Variants in PCDH7 observed in about 807,000 individuals in gnomAD.
The protein encoded by PCDH7 is protocadherin 7.
A neutral mutation model predicts 58.9 loss-of-function variants in PCDH7; 17 were observed. The observed-to-expected ratio is 0.29, with a 90% CI of 0.20 to 0.43. The LOEUF is 0.43. Among genes scored for constraint, PCDH7 ranks in the 20% least tolerant of loss-of-function variants. The pLI is 1.00. For missense variants in PCDH7, 1,274 were observed against 1,441.0 expected (o/e 0.88, Z 1.88); for synonymous variants, 664 against 616.4 (o/e 1.08, Z -1.14).
intron 1 of PCDH7, among the ~76,000 whole-genome samples, chr4:30,795,620 G>A (rs1724677653): frequency 6.6e-6 from 1 of 152,174 alleles, no homozygotes; most frequent in Non-Finnish European, 1.5e-5. Flanking sequence ...TCACTAACTA[G>A]GCTGGCATGA....
intron 1 of PCDH7, among the ~76,000 whole-genome samples, chr4:30,806,681 T>G (rs1045917042): frequency 3.3e-5 from 5 of 151,534 alleles, no homozygotes; most frequent in Non-Finnish European, 7.4e-5. Flanking sequence ...GATCTTCATA[T>G]CTGCCTCCTT....
chr4:30,816,975 A>T (rs1188431126), intron 1 of PCDH7, among the ~76,000 whole-genome samples: 1 of 152,202 alleles, frequency 6.6e-6, no homozygotes, highest in Non-Finnish European at 1.5e-5. Context: ...CTTTGCCAGA[A>T]ATTCAGCGAG....
In PCDH7 at chr4:30,830,022, A is replaced by G. The variant is rs145383297; in HGVS notation, c.71-90131A>G. On this transcript the variant is annotated intron_variant, in intron 1 of 3. Transcript: ENST00000509759. ...TCATGCACGTTAATTTTTAAAACTT[A>G]TTTATTCTGCTTTTCATTTTATTTT... 6.6e-3 allele frequency among the ~76,000 whole-genome samples: 1,000 copies of G among 152,188 alleles called. 11 individuals carry two copies. The highest frequency in any genetic ancestry group is 0.022 in the African/African-American group (932 of 41,538).
chr4:30,866,578 G>T (rs1734909008), intron 1 of PCDH7, among the ~76,000 whole-genome samples: 1 of 151,728 alleles, frequency 6.6e-6, no homozygotes, highest in African/African-American at 2.4e-5. Flanking sequence ...AATTTTCCAG[G>T]TTACATTACT....
intron 1 of PCDH7, among the ~76,000 whole-genome samples, chr4:30,878,133 C>CT (rs1239980850): frequency 6.6e-6 from 1 of 152,128 alleles, no homozygotes; most frequent in Non-Finnish European, 1.5e-5. Flanking sequence ...AATGTTATTT[C>CT]TCTCACACAT....
intron 3 of PCDH7, among the ~76,000 whole-genome samples, chr4:30,999,158 G>T (rs1051848462): frequency 6.6e-6 from 1 of 152,088 alleles, no homozygotes; most frequent in African/African-American, 2.4e-5. Context: ...AATACTAATT[G>T]TGTTACCTTT....
At chr4:31,023,296 T>A (rs747772851) in intron 3 of PCDH7, among the ~76,000 whole-genome samples, 2 of 152,090 alleles carry the variant, frequency 1.3e-5, no homozygotes, top group Non-Finnish European at 2.9e-5. Flanking sequence ...GGTCTGGAGG[T>A]TGTAAAAATA....
At chr4:31,044,862 A>G (rs181575803) in intron 3 of PCDH7, among the ~76,000 whole-genome samples, 1 of 152,158 alleles carries the variant, frequency 6.6e-6, no homozygotes, top group East Asian at 1.9e-4. Flanking sequence ...ACTTTTATGT[A>G]TTTATCAATT....
chr4:30,883,973 A>G (rs1737343962), intron 1 of PCDH7, among the ~76,000 whole-genome samples: 1 of 152,130 alleles, frequency 6.6e-6, no homozygotes, highest in East Asian at 1.9e-4. Context: ...TTCCTTTAAC[A>G]TTTTCCTCTC....
intron 1 of PCDH7, among the ~76,000 whole-genome samples, chr4:30,738,413 C>T (rs550168975): frequency 6.6e-6 from 1 of 150,828 alleles, no homozygotes; most frequent in Admixed American, 6.6e-5. Context: ...AAAAAAGGTA[C>T]AATTACTATC....
rs1235830050 is a variant in PCDH7, at chr4:30,839,510, T to A, written c.71-80643T>A. Among the ~76,000 whole-genome samples, 5 of 152,270 alleles carry A rather than the reference T, an allele frequency of 3.3e-5. No individual in the cohort carries two copies. The East Asian group carries it at 9.7e-4, about 29-fold the overall frequency. ...AATAATTATTGGCATCCTAGGCCCA[T>A]CCTTATGGGGGTCACGGTAATTTTT... On this transcript the variant is annotated intron_variant, in intron 1 of 3. Coordinates refer to the PCDH7 transcript ENST00000509759.
At chr4:30,974,949 G>A (rs1749931124) in intron 3 of PCDH7, among the ~76,000 whole-genome samples, 1 of 152,098 alleles carries the variant, frequency 6.6e-6, no homozygotes, top group African/African-American at 2.4e-5. Flanking sequence ...CCTAAGTTAG[G>A]CACGTAGGGT....
At chr4:31,046,547 A>T (rs981693570) in intron 3 of PCDH7, among the ~76,000 whole-genome samples, 4 of 151,776 alleles carry the variant, frequency 2.6e-5, no homozygotes, top group Non-Finnish European at 4.4e-5. Context: ...AAAATGTTTA[A>T]TTTTTTTTCA....
downstream of PCDH7, among the ~76,000 whole-genome samples, chr4:30,734,643 A>G (rs1715990106): frequency 6.6e-6 from 1 of 152,180 alleles, no homozygotes; most frequent in Non-Finnish European, 1.5e-5. Flanking sequence ...AATAATATAT[A>G]TGAGGCAAGG....
intron 1 of PCDH7, chr4:30,724,829 A>G (rs2109229897): frequency 7.4e-7 from 1 of 1,353,600 alleles, no homozygotes; most frequent in East Asian, 2.8e-5. Flanking sequence ...AGAAGTATTC[A>G]GAGTAGGCAG....
At position 30,722,415 on chromosome 4, in the gene PCDH7, C is replaced by A. The variant is rs1407380286; in HGVS notation, c.993C>A (p.Arg331=). The change falls in exon 1 of 2, where the codon CGC becomes CGA. Residue 331 remains arginine, a synonymous_variant. Transcript: ENST00000361762. The surrounding 1 kb of genome is among the most constrained non-coding windows in gnomAD (Gnocchi z 7.6). Reference sequence around the variant, plus strand: ...CGGGGACCCCCATCCTGCAACTGCGCGCAGCCGACTTGGACGTGGGGGTCA... The same window carrying A: ...CGGGGACCCCCATCCTGCAACTGCGAGCAGCCGACTTGGACGTGGGGGTCA... 1 of 1,612,572 alleles carries A rather than the reference C, an allele frequency of 6.2e-7. No individual in the cohort carries two copies. The highest frequency in any genetic ancestry group is 2.2e-5 in the East Asian group (1 of 44,832).
At chr4:30,930,736 C>T (rs745932356) in intron 2 of PCDH7, among the ~76,000 whole-genome samples, 3 of 151,634 alleles carry the variant, frequency 2.0e-5, no homozygotes, top group Non-Finnish European at 4.4e-5. Context: ...GTTCCAGACT[C>T]GCCTGGGCAA....
At chr4:31,061,073 G>T (rs1478513234) in intron 3 of PCDH7, among the ~76,000 whole-genome samples, 1 of 151,622 alleles carries the variant, frequency 6.6e-6, no homozygotes, top group Non-Finnish European at 1.5e-5. Flanking sequence ...CTTAGAAAGT[G>T]CATGCCTGTC....
exon 3 of PCDH7, chr4:30,950,206 T>G: frequency 6.6e-6 from 1 of 152,670 alleles, no homozygotes; most frequent in Admixed American, 6.5e-5. Flanking sequence ...GCCTCTCCAT[T>G]AATCAACAGG....
Sources: allele counts gnomAD v4.1 joint callset (sites outside exome capture counted in the v4.1 genomes callset), GRCh38; gene constraint gnomAD v4.1.1; non-coding constraint Gnocchi (gnomAD v3.1); transcripts MANE v1.5; gene names NCBI Gene and HGNC (gene_info 2026-07-23, HGNC 2026-07-21).